ARMH3: variants seen among roughly 807,000 people sequenced by gnomAD.
ARMH3 encodes armadillo-like helical domain-containing protein 3.
In ARMH3, 60 loss-of-function variants were observed where a neutral mutation model predicts 99.1. The ratio of observed to expected loss-of-function variants is 0.61; its 90% confidence interval spans 0.49 to 0.75. The LOEUF (loss-of-function observed/expected upper bound fraction) is 0.75. Among genes scored for constraint, ARMH3 ranks in the 30% least tolerant of loss-of-function variants. The pLI is 0.00. For missense variants in ARMH3, 679 were observed against 843.1 expected (o/e 0.81, Z 2.41); for synonymous variants, 285 against 292.8 (o/e 0.97, Z 0.27).
At chr10:101,962,716 A>G (rs1036722296) in intron 20 of ARMH3, among the ~76,000 whole-genome samples, 6 of 152,220 alleles carry the variant, frequency 3.9e-5, no homozygotes, top group Non-Finnish European at 8.8e-5. Flanking sequence ...TTGGAGCTAA[A>G]CTGCATTAAG....
At chr10:101,899,844 C>T (rs1374471) in intron 23 of ARMH3, among the ~76,000 whole-genome samples, 1 of 151,960 alleles carries the variant, frequency 6.6e-6, no homozygotes, top group African/African-American at 2.4e-5. Context: ...GGACCAAAGA[C>T]ACAAAAATGG....
In ARMH3 at chr10:102,012,136, T is replaced by C. The variant is rs552886180; in HGVS notation, c.771-353A>G. 3.3e-5 allele frequency among the ~76,000 whole-genome samples: 5 copies of C among 152,336 alleles called. No homozygotes were observed. In the South Asian group the frequency reaches 1.0e-3, roughly 32 times the overall value. On this transcript the variant is annotated intron_variant, in intron 10 of 25. Coordinates refer to ENST00000370033, the MANE Select transcript of ARMH3 (RefSeq NM_024541.3). Reference sequence around the variant, plus strand: ...CTACAACACTGAAAATCTTGTTTCTTTTTAAAGGAGGAGGAAGGAAATCAG... The same window carrying C: ...CTACAACACTGAAAATCTTGTTTCTCTTTAAAGGAGGAGGAAGGAAATCAG...
At chr10:101,894,241 T>C (rs556802947) in intron 23 of ARMH3, among the ~76,000 whole-genome samples, 1 of 152,210 alleles carries the variant, frequency 6.6e-6, no homozygotes, top group Non-Finnish European at 1.5e-5. Context: ...GTATTCGCCC[T>C]AAGCAGTAAG....
chr10:101,983,024 T>C (rs1846300548), intron 19 of ARMH3, among the ~76,000 whole-genome samples: 1 of 152,198 alleles, frequency 6.6e-6, no homozygotes, highest in African/African-American at 2.4e-5. Flanking sequence ...GGACCACTGT[T>C]CTAAAATATA....
chr10:101,904,293 G>A (rs190639269), intron 23 of ARMH3, among the ~76,000 whole-genome samples: 132 of 152,212 alleles, frequency 8.7e-4, no homozygotes, highest in South Asian at 6.8e-3. Flanking sequence ...GCAGTAAGGC[G>A]TCCAAACACC....
Position 101,914,864 on chromosome 10 carries a change from C to CAAAAAAA in ARMH3, c.1781+24992_1781+24998dup, listed in dbSNP as rs373264871. 4.7e-4 allele frequency among the ~76,000 whole-genome samples: 31 copies of CAAAAAAA among 66,512 alleles called. 1 individual carries two copies. Among genetic ancestry groups the CAAAAAAA allele is most frequent in the Middle Eastern group, 0.012 (1 of 82 alleles). The allele number at this position is 66,512 out of a possible 152,430, so 43.6% of individuals were successfully genotyped here. ...CCTAGGTGACAGTGAAAATCCATCTCAAAAAAAAAAAAAAAAAAAAAGCAA... is the reference window on the plus strand; with the variant it reads ...CCTAGGTGACAGTGAAAATCCATCTCAAAAAAAAAAAAAAAAAAAAAAAAAAAAGCAA... On this transcript the variant is annotated intron_variant, in intron 23 of 25. Coordinates refer to ENST00000370033, the MANE Select transcript of ARMH3 (RefSeq NM_024541.3).
At chr10:102,037,307 A>G (rs1474321976) in intron 2 of ARMH3, among the ~76,000 whole-genome samples, 1 of 150,526 alleles carries the variant, frequency 6.6e-6, no homozygotes, top group Non-Finnish European at 1.5e-5. Flanking sequence ...TTGGACTCAC[A>G]TAAATAGCTG....
chr10:101,947,864 C>T (rs1052524329), intron 22 of ARMH3, among the ~76,000 whole-genome samples: 1 of 151,740 alleles, frequency 6.6e-6, no homozygotes, highest in Non-Finnish European at 1.5e-5. Flanking sequence ...AAAGTTTCTA[C>T]ATTTTATTGA....
Position 101,944,263 on chromosome 10 carries a change from TATATATATATAGAGAGAGAGAGAG to T in ARMH3, c.1706-4349_1706-4326del, listed in dbSNP as rs1203887620. ...GAGCCTATATATATATATATATATA[TATATATATATAGAGAGAGAGAGAG>T]AGAGAGAGAGAGAGAGAGAGAGAGA... On this transcript the variant is annotated intron_variant, in intron 22 of 25. Coordinates refer to ENST00000370033, the MANE Select transcript of ARMH3 (RefSeq NM_024541.3). Among the ~76,000 whole-genome samples, 62 of 64,124 alleles carry T rather than the reference TATATATATATAGAGAGAGAGAGAG, an allele frequency of 9.7e-4. 1 individual carries two copies. The East Asian group carries it at 0.022, about 23-fold the overall frequency. The allele number at this position is 64,124 out of a possible 152,430, so 42.1% of individuals were successfully genotyped here. A position where few individuals can be genotyped will look rare whatever the true frequency, so the allele number is the denominator to read the frequency against.
chr10:101,900,961 G>C (rs987976165), intron 23 of ARMH3, among the ~76,000 whole-genome samples: 1 of 151,986 alleles, frequency 6.6e-6, no homozygotes, highest in Non-Finnish European at 1.5e-5. Flanking sequence ...TCCAGCCTGG[G>C]CAACAGAGCA....
At chr10:102,049,020 A>G (rs2067626196) in intron 1 of ARMH3, among the ~76,000 whole-genome samples, 1 of 151,258 alleles carries the variant, frequency 6.6e-6, no homozygotes, top group Non-Finnish European at 1.5e-5. Context: ...TTCCTTTGTG[A>G]AGAATGTGGG....
intron 23 of ARMH3, among the ~76,000 whole-genome samples, chr10:101,938,427 G>A (rs1018113720): frequency 3.9e-5 from 6 of 152,158 alleles, no homozygotes; most frequent in African/African-American, 1.4e-4. Flanking sequence ...AACACAGACA[G>A]CAGCCAAGCC....
chr10:101,993,491 CA>C, intron 17 of ARMH3, 46 bp downstream of exon 17: 1 of 1,448,140 alleles, frequency 6.9e-7, no homozygotes, highest in Non-Finnish European at 9.5e-7. Context: ...TGCCGACATA[CA>C]AAAAATTTCC....
At chr10:102,051,244 C>T (rs1232139865) in intron 1 of ARMH3, among the ~76,000 whole-genome samples, 3 of 151,438 alleles carry the variant, frequency 2.0e-5, no homozygotes, top group Admixed American at 6.6e-5. Context: ...AGGCCAAGGC[C>T]GGCGGATCAT....
chr10:102,014,335 AAAGT>A (rs1383672274), intron 8 of ARMH3, among the ~76,000 whole-genome samples: 1 of 152,198 alleles, frequency 6.6e-6, no homozygotes, highest in African/African-American at 2.4e-5. Flanking sequence ...TTGCATCTAA[AAAGT>A]AAGTGAGTGC....
intron 22 of ARMH3, among the ~76,000 whole-genome samples, chr10:101,954,913 G>A (rs1248791858): frequency 6.6e-6 from 1 of 151,976 alleles, no homozygotes; most frequent in Non-Finnish European, 1.5e-5. Context: ...CATTTGACTA[G>A]TTACATATGG....
In ARMH3 at chr10:101,845,881, T is replaced by C. The variant is rs2066457537; in HGVS notation, c.*1647A>G. The C allele has an allele frequency of 6.6e-6, 1 of 152,290 alleles. No individual in the cohort carries two copies. Among genetic ancestry groups the C allele is most frequent in the South Asian group, 2.1e-4 (1 of 4,838 alleles). The allele number at this position is 152,290 out of a possible 1,614,324, so 9.4% of individuals were successfully genotyped here. On this transcript the variant is annotated 3_prime_UTR_variant, in exon 26 of 26. Transcript: ENST00000370033. ...CCAAAGAGATTTGAGGTTAAATGGA[T>C]GGCAGTCCAGGTGGTCCCAGACATG...
chr10:101,995,379 C>T (rs1215955453), intron 15 of ARMH3, 24 bp from the exon 16 acceptor site: 2 of 1,593,374 alleles, frequency 1.3e-6, no homozygotes, highest in South Asian at 2.2e-5. Context: ...AGAAACTCTT[C>T]TCTGTAAATC....
chr10:102,001,396 C>A (rs547049244), intron 15 of ARMH3, among the ~76,000 whole-genome samples: 14 of 152,278 alleles, frequency 9.2e-5, no homozygotes, highest in African/African-American at 3.1e-4. Context: ...AGTAAAAGGC[C>A]ATGGCAAAAT....
Sources: allele counts gnomAD v4.1 joint callset (sites outside exome capture counted in the v4.1 genomes callset), GRCh38; gene constraint gnomAD v4.1.1; transcripts MANE v1.5; gene names NCBI Gene and HGNC (gene_info 2026-07-23, HGNC 2026-07-21).